Variants in MRPS15 observed in about 807,000 individuals in gnomAD.
MRPS15 encodes the protein small ribosomal subunit protein uS15m.
Under a neutral mutation model 30.7 loss-of-function variants are expected in MRPS15, and 25 were observed. That is an observed-to-expected ratio of 0.81 (90% confidence interval 0.59 to 1.14). The LOEUF (loss-of-function observed/expected upper bound fraction) is 1.14, where lower values mean the gene tolerates loss of function less well. Ranked by LOEUF, MRPS15 falls within the 50% of genes most tolerant of loss-of-function variation. MRPS15 has a pLI of 0.00. For missense variants in MRPS15, 313 were observed against 321.7 expected, an observed-to-expected ratio of 0.97 and a Z score of 0.21; for synonymous variants, 124 against 120.1, an observed-to-expected ratio of 1.03 and a Z score of -0.21.
intron 4 of MRPS15, 22 bp downstream of exon 4, chr1:36,461,242 A>T: frequency 6.2e-7 from 1 of 1,613,910 alleles, no homozygotes; most frequent in Non-Finnish European, 8.5e-7. Flanking sequence ...CGGGAGGCTG[A>T]GGCTTGGCAG....
intron 6 of MRPS15, among the ~76,000 whole-genome samples, chr1:36,456,755 A>G (rs1291434557): frequency 6.6e-6 from 1 of 152,158 alleles, no homozygotes; most frequent in Admixed American, 6.5e-5. Flanking sequence ...GGAAATGCCT[A>G]CCCACAGCTG....
chr1:36,464,039 C>A, intron 1 of MRPS15, 107 bp downstream of exon 1: 1 of 1,315,614 alleles, frequency 7.6e-7, no homozygotes, highest in Non-Finnish European at 1.0e-6. Context: ...GCCCTTTCCC[C>A]CTTATCCTGA....
At chr1:36,463,186 C>T (rs773879138) in intron 2 of MRPS15, among the ~76,000 whole-genome samples, 6 of 151,882 alleles carry the variant, frequency 4.0e-5, no homozygotes, top group African/African-American at 7.3e-5. Context: ...AGGCTGGTCT[C>T]GAACTCCTGA....
Position 36,456,324 on chromosome 1 carries a change from G to A in MRPS15, c.499C>T (p.Leu167Phe), listed in dbSNP as rs1341966407. ...LMSIDQRKKMLKNLRNTNYDV... is the reference protein window; with the variant it reads ...LMSIDQRKKMFKNLRNTNYDV... The stretch of plus-strand genomic sequence containing the variant: ...TAGTTGGTGTTACGGAGGTTTTTGA[G>A]CATCTTTTTCCTCTGGTCAATGCTC... The change falls in exon 7 of 8, where the codon CTC becomes TTC. Residue 167 changes from leucine (L) to phenylalanine (F), a missense_variant. Coordinates refer to ENST00000373116, the MANE Select transcript of MRPS15 (RefSeq NM_031280.4). 3 of 1,614,130 alleles carry A rather than the reference G, an allele frequency of 1.9e-6. No homozygotes were observed. The highest frequency in any genetic ancestry group is 2.2e-5 in the East Asian group (1 of 44,880).
At chr1:36,459,991 A>G (rs757558880) in intron 5 of MRPS15, among the ~76,000 whole-genome samples, 1 of 152,190 alleles carries the variant, frequency 6.6e-6, no homozygotes, top group Middle Eastern at 3.2e-3. Flanking sequence ...TGTCTGGCAC[A>G]AGAGGGTTCA....
chr1:36,464,321 C>T lies in MRPS15; in HGVS notation c.-46G>A, dbSNP rs1208614934. The T allele has an allele frequency of 2.5e-6, 4 of 1,590,136 alleles. No homozygotes were observed. In the Admixed American group the frequency reaches 7.2e-5, roughly 29 times the overall value. On this transcript the variant is annotated 5_prime_UTR_variant, in exon 1 of 8. Coordinates refer to ENST00000373116, the MANE Select transcript of MRPS15 (RefSeq NM_031280.4). ...GGGCCCGCGCCGCGGCCGCCGTTCG[C>T]TTTGCGGCACGGACCGGGTTACATG...
intron 3 of MRPS15, among the ~76,000 whole-genome samples, chr1:36,461,750 C>T (rs1227876117): frequency 2.0e-5 from 3 of 152,150 alleles, no homozygotes; most frequent in Non-Finnish European, 4.4e-5. Flanking sequence ...TGACACTGGA[C>T]AGCTTGAAAA....
chr1:36,463,221 C>T (rs1650132661), intron 2 of MRPS15, among the ~76,000 whole-genome samples: 1 of 152,228 alleles, frequency 6.6e-6, no homozygotes. Context: ...CCCACCTTGG[C>T]CTCCCAAAGT....
Position 36,456,278 on chromosome 1 carries a change from C to T in MRPS15, c.545G>A (p.Cys182Tyr). The change falls in exon 7 of 8, where the codon TGC (cysteine) becomes TAC (tyrosine). Residue 182 changes from cysteine to tyrosine, a missense_variant. Physicochemically the swap from Cys to Tyr is radical, Grantham distance 194. Coordinates refer to ENST00000373116, the MANE Select transcript of MRPS15 (RefSeq NM_031280.4). The stretch of plus-strand genomic sequence containing the variant: ...GGTGTACTCAATTCCCAGCCCCCAG[C>T]ATATCTTCTCAAAGACATCATAGTT... The part of the protein sequence containing the change: ...NTNYDVFEKI[C>Y]WGLGIEYTFP... The T allele has an allele frequency of 6.2e-7, 1 of 1,614,186 alleles. No homozygotes were observed. The highest frequency in any genetic ancestry group is 8.5e-7 in the Non-Finnish European group (1 of 1,180,034).
chr1:36,464,012 C>T (rs1650154673), intron 1 of MRPS15, 134 bp downstream of exon 1: 1 of 1,507,836 alleles, frequency 6.6e-7, no homozygotes, highest in Admixed American at 2.0e-5. Context: ...TCTTGTTTCA[C>T]CTCTTGCGCA....
In MRPS15 at chr1:36,461,332, A is replaced by G. The variant is rs966451068; in HGVS notation, c.252-20T>C. The G allele has an allele frequency of 1.2e-6, 2 of 1,611,112 alleles. No individual in the cohort carries two copies. The highest frequency in any genetic ancestry group is 1.7e-6 in the Non-Finnish European group (2 of 1,177,224). On this transcript the variant is annotated intron_variant, in intron 3 of 7. Transcript: ENST00000373116. ...TCAACCCTGTGGATAAACCACAGCA[A>G]TGAGACAGACATTGGGGGAGAAGAG...
chr1:36,462,733 C>T (rs148310754), intron 2 of MRPS15, among the ~76,000 whole-genome samples: 6 of 152,168 alleles, frequency 3.9e-5, no homozygotes, highest in African/African-American at 1.2e-4. Flanking sequence ...CCCTGCTATG[C>T]AAATAACATT....
intron 2 of MRPS15, 86 bp from the exon 3 acceptor site, chr1:36,462,249 C>G: frequency 1.0e-6 from 1 of 967,752 alleles, no homozygotes; most frequent in Non-Finnish European, 1.6e-6. Flanking sequence ...CACCCACTCT[C>G]CAACTCCAGA....
rs1348327521 is a variant in MRPS15, at chr1:36,462,259, AAGGGACATTC to A, written c.176-106_176-97del. The A allele has an allele frequency of 1.6e-4, 145 of 879,222 alleles. 1 individual carries two copies. In the South Asian group the frequency reaches 1.7e-3, roughly 10 times the overall value. 54.5% of individuals were successfully genotyped at this position (879,222 alleles called of 1,614,324 possible). A position where few individuals can be genotyped will look rare whatever the true frequency, so the allele number is the denominator to read the frequency against. On this transcript the variant is annotated intron_variant, in intron 2 of 7. Coordinates refer to ENST00000373116, the MANE Select transcript of MRPS15 (RefSeq NM_031280.4). Reference sequence around the variant, plus strand: ...CTTTTCACCCACTCTCCAACTCCAGAAGGGACATTCAGGGTCTCAAGCAAAGCACTGGATA... The same window carrying A: ...CTTTTCACCCACTCTCCAACTCCAGAAGGGTCTCAAGCAAAGCACTGGATA...
At chr1:36,462,747 G>C (rs1159373862) in intron 2 of MRPS15, among the ~76,000 whole-genome samples, 1 of 152,188 alleles carries the variant, frequency 6.6e-6, no homozygotes, top group African/African-American at 2.4e-5. Flanking sequence ...TAACATTAAT[G>C]GGCCTCTTCT....
At chr1:36,463,900 C>T in intron 1 of MRPS15, 50 bp from the exon 2 acceptor site, 1 of 1,584,386 alleles carries the variant, frequency 6.3e-7, no homozygotes, top group Non-Finnish European at 8.6e-7. Context: ...TAGCCCACCC[C>T]TCAGTTCCTT....
chr1:36,464,069 C>CTCCTGTGCTTCCTTCTCCCCTAA (rs1650157127), intron 1 of MRPS15, 77 bp downstream of exon 1: 1 of 1,576,642 alleles, frequency 6.3e-7, no homozygotes, highest in South Asian at 1.2e-5. Flanking sequence ...ATCTCCCCTA[C>CTCCTGTGCTTCCTTCTCCCCTAA]TCCTGTGCTT....
intron 1 of MRPS15, 135 bp downstream of exon 1, chr1:36,464,011 A>C (rs1570571674): frequency 6.7e-7 from 1 of 1,501,358 alleles, no homozygotes; most frequent in Non-Finnish European, 9.0e-7. Context: ...ATCTTGTTTC[A>C]CCTCTTGCGC....
At chr1:36,457,136 T>C (rs57581483) in intron 6 of MRPS15, among the ~76,000 whole-genome samples, 15,829 of 151,910 alleles carry the variant, frequency 0.1, 972 homozygotes, top group East Asian at 0.3. Flanking sequence ...ATTAGCTGGG[T>C]GTGGTGGCAT....
Sources: allele counts gnomAD v4.1 joint callset (sites outside exome capture counted in the v4.1 genomes callset), GRCh38; gene constraint gnomAD v4.1.1; transcripts MANE v1.5; gene names NCBI Gene and HGNC (gene_info 2026-07-23, HGNC 2026-07-21).